UTP25: variants seen among roughly 807,000 people sequenced by gnomAD.
The protein encoded by UTP25 is UTP25 small subunit processome component.
A neutral mutation model predicts 78.9 loss-of-function variants in UTP25; 50 were observed. The observed-to-expected ratio is 0.63, with a 90% confidence interval of 0.50 to 0.80. The LOEUF is 0.80. Ranked by LOEUF, UTP25 falls within the 30% of genes least tolerant of loss-of-function variation. The probability of loss-of-function intolerance (pLI) is 0.00; values close to 1 mark genes in which losing one functional copy is unlikely to be tolerated. For synonymous variants in UTP25, 329 were observed against 336.5 expected, an observed-to-expected ratio of 0.98 and a Z score of 0.24; for missense variants, 846 against 911.3, an observed-to-expected ratio of 0.93 and a Z score of 0.92.
At chr1:209,842,749 G>A (rs2078175083) in intron 10 of UTP25, 54 bp downstream of exon 10, 1 of 1,358,588 alleles carries the variant, frequency 7.4e-7, no homozygotes, top group Non-Finnish European at 1.0e-6. Context: ...GATTTGACTT[G>A]GGCATACAAA....
At position 209,852,353 on chromosome 1, in the gene UTP25, G is replaced by T. The variant is rs1344797242; in HGVS notation, c.*906G>T. ...ATATATTTCCTGTAAACAATTAAGGGTATTGTTTGTGATTAGGAATGCCCC... is the reference window on the plus strand; with the variant it reads ...ATATATTTCCTGTAAACAATTAAGGTTATTGTTTGTGATTAGGAATGCCCC... On this transcript the variant is annotated 3_prime_UTR_variant, in exon 12 of 12. Transcript: ENST00000491415. 1 of 152,122 alleles carries T rather than the reference G, an allele frequency of 6.6e-6. No individual in the cohort carries two copies. Among genetic ancestry groups the T allele is most frequent in the African/African-American group, 2.4e-5 (1 of 41,404 alleles). 9.4% of individuals were successfully genotyped at this position (152,122 alleles called of 1,614,324 possible).
intron 5 of UTP25, among the ~76,000 whole-genome samples, chr1:209,836,570 C>T (rs1240488674): frequency 6.6e-6 from 1 of 152,182 alleles, no homozygotes; most frequent in African/African-American, 2.4e-5. Context: ...TGGGGTCTAG[C>T]CCTCAGCTCC....
intron 3 of UTP25, among the ~76,000 whole-genome samples, chr1:209,832,399 G>A (rs1272610405): frequency 6.6e-6 from 1 of 152,104 alleles, no homozygotes; most frequent in Non-Finnish European, 1.5e-5. Flanking sequence ...GTATTCCATT[G>A]TAAAAATATG....
Position 209,842,364 on chromosome 1 carries a change from C to A in UTP25, c.1585C>A (p.Arg529Ser). Reference protein sequence around the residue: ...WSLNNWSKYYRQTLLFGALQD... With the variant: ...WSLNNWSKYYSQTLLFGALQD... ...CCTCAATAATTGGTCCAAGTACTAT[C>A]GCCAGACACTGCTATTTGGGGCCCT... The change falls in exon 9 of 12, where the codon CGC becomes AGC. Residue 529 changes from arginine to serine, a missense_variant. Arg to Ser is a moderately radical substitution (Grantham distance 110). Transcript: ENST00000491415. The A allele has an allele frequency of 6.2e-7, 1 of 1,614,154 alleles. No individual in the cohort carries two copies. Among genetic ancestry groups the A allele is most frequent in the Non-Finnish European group, 8.5e-7 (1 of 1,179,998 alleles).
chr1:209,838,226 G>T (rs939445322), intron 6 of UTP25, among the ~76,000 whole-genome samples: 1 of 152,156 alleles, frequency 6.6e-6, no homozygotes, highest in Non-Finnish European at 1.5e-5. Context: ...TTTAACTGGG[G>T]TTATGTCCAT....
At chr1:209,845,676 A>C (rs1187155364) in intron 11 of UTP25, among the ~76,000 whole-genome samples, 1 of 152,184 alleles carries the variant, frequency 6.6e-6, no homozygotes, top group Non-Finnish European at 1.5e-5. Flanking sequence ...TCTTTTGTAG[A>C]AGATGAATGA....
At chr1:209,845,628 C>T (rs2078192742) in intron 11 of UTP25, among the ~76,000 whole-genome samples, 1 of 152,136 alleles carries the variant, frequency 6.6e-6, no homozygotes, top group African/African-American at 2.4e-5. Context: ...TCAGCATATG[C>T]CATTTGCTTT....
Position 209,830,830 on chromosome 1 carries a change from G to C in UTP25, c.175G>C (p.Glu59Gln), listed in dbSNP as rs1396233277. 1.2e-6 allele frequency: 2 copies of C among 1,613,852 alleles called. No individual in the cohort carries two copies. The highest frequency in any genetic ancestry group is 4.5e-5 in the East Asian group (2 of 44,874). Reference sequence around the variant, plus strand: ...AGAGAGTTCAGATTCTTCAGATTCTGAAAGCGACTCAGAGAGTGAACCACA... The same window carrying C: ...AGAGAGTTCAGATTCTTCAGATTCTCAAAGCGACTCAGAGAGTGAACCACA... ...LSESSDSSDS[E>Q]SDSESEPQQV... Residue 59 changes from glutamate to glutamine, a missense_variant, in exon 3 of 12, where the codon GAA becomes CAA. Coordinates refer to ENST00000491415, the MANE Select transcript of UTP25 (RefSeq NM_014388.7).
rs2078113979 is a variant in UTP25 at position 209,833,336 on chromosome 1, C to T, written c.540C>T (p.Asn180=). The T allele has an allele frequency of 1.9e-6, 3 of 1,580,374 alleles. No homozygotes were observed. The highest frequency in any genetic ancestry group is 1.7e-4 in the Middle Eastern group (1 of 5,888). Residue 180 remains asparagine, a synonymous_variant, in exon 4 of 12, where the codon AAC becomes AAT. Transcript: ENST00000491415. Reference sequence around the variant, plus strand: ...TTCTGGAAGAGGAAAGTGGAGACAACTCTTCTTTGAAAGCCTCTCAAGGTC... The same window carrying T: ...TTCTGGAAGAGGAAAGTGGAGACAATTCTTCTTTGAAAGCCTCTCAAGGTC... ...TNFLEEESGD[N]SSLKASQDPF...
intron 7 of UTP25, 95 bp downstream of exon 7, chr1:209,839,223 T>C (rs1457621628): frequency 8.9e-7 from 1 of 1,121,352 alleles, no homozygotes. Context: ...AGTGGATCAC[T>C]CACTGTGCCT....
chr1:209,839,036 G>A lies in UTP25; in HGVS notation c.1190G>A (p.Gly397Glu), dbSNP rs746473653. 1.3e-5 allele frequency: 21 copies of A among 1,613,988 alleles called. No individual in the cohort carries two copies. Among genetic ancestry groups the A allele is most frequent in the Non-Finnish European group, 1.8e-5 (21 of 1,179,992 alleles). ...SNKKRFQGEY[G>E]SDPEERPPNL... is the part of the protein sequence containing the mutation. The stretch of plus-strand genomic sequence containing the variant: ...AAAAAGAGGTTTCAGGGAGAATATG[G>A]ATCAGATCCCGAGGAGAGACCACCC... Residue 397 changes from glycine to glutamate, a missense_variant, in exon 7 of 12, where the codon GGA becomes GAA. By Grantham distance (98) the Gly-to-Glu change is moderately conservative (BLOSUM62 -2). Transcript: ENST00000491415.
chr1:209,852,941 A>G lies in UTP25; in HGVS notation c.*1494A>G, dbSNP rs1393230776. On this transcript the variant is annotated 3_prime_UTR_variant, in exon 12 of 12. Coordinates refer to ENST00000491415, the MANE Select transcript of UTP25 (RefSeq NM_014388.7). ...TGCTTCTCATTTTCTTTCCATATTG[A>G]TAACTCCTTTCTCAGACAGTGGCTC... 1.3e-5 allele frequency: 2 copies of G among 152,220 alleles called. No individual in the cohort carries two copies. Among genetic ancestry groups the G allele is most frequent in the Non-Finnish European group, 2.9e-5 (2 of 68,042 alleles). 9.4% of individuals were successfully genotyped at this position (152,220 alleles called of 1,614,324 possible).
Position 209,833,217 on chromosome 1 carries a change from G to A in UTP25, c.421G>A (p.Glu141Lys), listed in dbSNP as rs765104368. 4 of 1,613,912 alleles carry A rather than the reference G, an allele frequency of 2.5e-6. No homozygotes were observed. Among genetic ancestry groups the A allele is most frequent in the South Asian group, 1.1e-5 (1 of 91,072 alleles). Reference protein sequence around the residue: ...VALSADPEGKEDGEEPPGTSQ... With the variant: ...VALSADPEGKKDGEEPPGTSQ... The stretch of plus-strand genomic sequence containing the variant: ...TTTATCTGCTGACCCTGAGGGAAAA[G>A]AAGATGGGGAAGAGCCACCGGGCAC... The change falls in exon 4 of 12, where the codon GAA becomes AAA. Residue 141 changes from glutamate (E) to lysine (K), a missense_variant. Physicochemically the swap from Glu to Lys is moderately conservative, Grantham distance 56. Transcript: ENST00000491415.
intron 10 of UTP25, 134 bp downstream of exon 10, chr1:209,842,829 T>C (rs1324373426): frequency 2.3e-5 from 15 of 663,212 alleles, no homozygotes; most frequent in Non-Finnish European, 3.4e-5. Context: ...AACTTAATTA[T>C]GTCATTTGTC....
At chr1:209,843,815 C>CTGTA (rs2078181226) in intron 11 of UTP25, 119 bp downstream of exon 11, 10 of 1,356,232 alleles carry the variant, frequency 7.4e-6, no homozygotes, top group Non-Finnish European at 1.0e-5. Context: ...CTCTCGCACT[C>CTGTA]TTACAAAGTA....
At chr1:209,839,212 C>A in intron 7 of UTP25, 84 bp downstream of exon 7, 1 of 1,244,838 alleles carries the variant, frequency 8.0e-7, no homozygotes, top group East Asian at 2.4e-5. Context: ...GATATTTTCC[C>A]AGTGGATCAC....
chr1:209,849,418 T>G (rs2078218205), intron 11 of UTP25, among the ~76,000 whole-genome samples: 1 of 151,538 alleles, frequency 6.6e-6, no homozygotes. Context: ...AATGGAAGGG[T>G]GGGGGTTTAC....
At chr1:209,832,727 T>A (rs1045906755) in intron 3 of UTP25, among the ~76,000 whole-genome samples, 3 of 151,886 alleles carry the variant, frequency 2.0e-5, no homozygotes, top group African/African-American at 7.3e-5. Context: ...TACAGAAAAA[T>A]ACAAAAATTA....
chr1:209,831,646 A>C (rs2078103917), intron 3 of UTP25, among the ~76,000 whole-genome samples: 1 of 152,236 alleles, frequency 6.6e-6, no homozygotes, highest in African/African-American at 2.4e-5. Flanking sequence ...AGGTTTTGAC[A>C]AAGGTATACA....
Sources: gnomAD v4.1 joint callset for allele counts (sites outside exome capture counted in the v4.1 genomes callset) on GRCh38, gnomAD v4.1.1 for gene constraint, MANE v1.5 for transcripts, NCBI Gene and HGNC (gene_info 2026-07-23, HGNC 2026-07-21) for gene names.